Variants in AGAP3 observed in about 807,000 individuals in gnomAD.
The protein encoded by AGAP3 is arf-GAP with GTPase, ANK repeat and PH domain-containing protein 3.
A neutral mutation model predicts 96.9 loss-of-function variants in AGAP3; 24 were observed. The ratio of observed to expected loss-of-function variants is 0.25; its 90% CI spans 0.18 to 0.35. The LOEUF (loss-of-function observed/expected upper bound fraction) is 0.35, where lower values mean the gene tolerates loss of function less well. AGAP3 is among the 10% of genes least tolerant of loss of function. The probability of loss-of-function intolerance (pLI) is 1.00; values close to 1 mark genes in which losing one functional copy is unlikely to be tolerated. For synonymous variants in AGAP3, 563 were observed against 536.1 expected, an observed-to-expected ratio of 1.05 and a Z score of -0.69; for missense variants, 876 against 1,254.2, an observed-to-expected ratio of 0.70 and a Z score of 4.55.
rs1253850697 is a variant in AGAP3 at position 151,127,305 on chromosome 7, C to T, written c.1222-1275C>T. Among the ~76,000 whole-genome samples the T allele has an allele frequency of 2.6e-5, 4 of 152,310 alleles. No homozygotes were observed. The East Asian group carries it at 5.8e-4, about 22-fold the overall frequency. ...TTGTTGGCTGTCTTCTGGCGGGGCC[C>T]TCCATTCCTAAAGGAGATGCCATCG... On this transcript the variant is annotated intron_variant, in intron 9 of 17. Coordinates refer to ENST00000397238, the MANE Select transcript of AGAP3 (RefSeq NM_031946.7).
At chr7:151,093,203 G>A (rs1054712787) in intron 1 of AGAP3, among the ~76,000 whole-genome samples, 5 of 152,288 alleles carry the variant, frequency 3.3e-5, no homozygotes, top group East Asian at 1.9e-4. Flanking sequence ...GTGCAGTGGT[G>A]CAGTCCTAGC....
chr7:151,110,572 T>G (rs1799238255), intron 1 of AGAP3, among the ~76,000 whole-genome samples: 3 of 152,122 alleles, frequency 2.0e-5, no homozygotes. Flanking sequence ...TTGCAGGGCT[T>G]TGCTGAGAGG....
At chr7:151,123,608 C>T in intron 8 of AGAP3, 186 bp from the exon 9 acceptor site, 4 of 1,442,882 alleles carry the variant, frequency 2.8e-6, no homozygotes, top group Admixed American at 2.5e-5. Flanking sequence ...CTGTATGGTG[C>T]CGTGTGTAAG....
At chr7:151,092,450 T>C (rs777797373) in intron 1 of AGAP3, among the ~76,000 whole-genome samples, 1 of 152,214 alleles carries the variant, frequency 6.6e-6, no homozygotes, top group African/African-American at 2.4e-5. Context: ...CTTAAACCAT[T>C]GCAGGCCAAG....
At chr7:151,115,538 G>T in intron 1 of AGAP3, 1 of 1,085,870 alleles carries the variant, frequency 9.2e-7, no homozygotes, top group South Asian at 4.3e-5. Context: ...CCGGCCTCTG[G>T]AGGCTGCTCA....
At position 151,130,158 on chromosome 7, in the gene AGAP3, C is replaced by T. The variant is rs563193209; in HGVS notation, c.1326+1474C>T. 2.0e-5 allele frequency among the ~76,000 whole-genome samples: 3 copies of T among 152,334 alleles called. No homozygotes were observed. The East Asian group carries it at 5.8e-4, about 29-fold the overall frequency. On this transcript the variant is annotated intron_variant, in intron 10 of 17. Transcript: ENST00000397238. ...TGTGGAGCTGCCCTTCCCCTTCCCC[C>T]TTTGCCCAGTTCTTACCTGCTCCTT...
At chr7:151,127,632 G>A (rs1013247975) in intron 9 of AGAP3, among the ~76,000 whole-genome samples, 1 of 152,126 alleles carries the variant, frequency 6.6e-6, no homozygotes, top group African/African-American at 2.4e-5. Context: ...GGCGCTCCCT[G>A]GTCCTGAATG....
intron 10 of AGAP3, among the ~76,000 whole-genome samples, chr7:151,132,107 C>T (rs763578645): frequency 5.3e-5 from 8 of 152,184 alleles, no homozygotes; most frequent in Non-Finnish European, 1.2e-4. Context: ...GACAGAGGGC[C>T]GGCGGGGCCA....
intron 1 of AGAP3, chr7:151,115,575 G>C: frequency 1.7e-6 from 2 of 1,147,076 alleles, no homozygotes; most frequent in Non-Finnish European, 1.1e-6. Flanking sequence ...GAGGGAGCCC[G>C]CGCCCGCCGC....
chr7:151,134,769 C>T (rs1393627955), intron 11 of AGAP3, among the ~76,000 whole-genome samples: 1 of 152,180 alleles, frequency 6.6e-6, no homozygotes, highest in African/African-American at 2.4e-5. Context: ...CCTAGACGAG[C>T]AGTTGATCTG....
chr7:151,124,663 C>T (rs1028113387), intron 9 of AGAP3, among the ~76,000 whole-genome samples: 1 of 152,212 alleles, frequency 6.6e-6, no homozygotes, highest in Non-Finnish European at 1.5e-5. Context: ...GCCAGAGCCC[C>T]TGAGCCTGGC....
intron 11 of AGAP3, chr7:151,137,627 C>T (rs1800653603): frequency 6.5e-6 from 1 of 152,732 alleles, no homozygotes; most frequent in South Asian, 2.1e-4. Context: ...TGCCATTCTT[C>T]CCTGATGGGA....
In AGAP3 at chr7:151,142,504, C is replaced by T. The variant is rs1367374760; in HGVS notation, c.2143C>T (p.Arg715Cys). Residue 715 changes from arginine (R) to cysteine (C), a missense_variant, in exon 16 of 18, where the codon CGC becomes TGC. By Grantham distance (180) the Arg-to-Cys change is radical. Transcript: ENST00000397238. The surrounding 1 kb of genome is among the most constrained non-coding windows in gnomAD (Gnocchi z 7.5). ...CCTGGGGGCTCACCTGTCCCGGGTGCGCTCCCTTGACCTCGATGACTGGCC... is the reference window on the plus strand; with the variant it reads ...CCTGGGGGCTCACCTGTCCCGGGTGTGCTCCCTTGACCTCGATGACTGGCC... ...RHLGAHLSRV[R>C]SLDLDDWPPE... The T allele has an allele frequency of 1.9e-6, 3 of 1,613,780 alleles. No homozygotes were observed. Among genetic ancestry groups the T allele is most frequent in the East Asian group, 2.2e-5 (1 of 44,862 alleles).
At position 151,123,852 on chromosome 7, in the gene AGAP3, G is replaced by A; in HGVS notation, c.1187G>A (p.Ser396Asn). 1.2e-6 allele frequency: 2 copies of A among 1,611,596 alleles called. No individual in the cohort carries two copies. Among genetic ancestry groups the A allele is most frequent in the South Asian group, 1.1e-5 (1 of 91,084 alleles). The change falls in exon 9 of 18, where the codon AGC (serine) becomes AAC (asparagine). Residue 396 changes from serine to asparagine, a missense_variant. Ser to Asn is a conservative substitution (Grantham distance 46, BLOSUM62 1). Coordinates refer to ENST00000397238, the MANE Select transcript of AGAP3 (RefSeq NM_031946.7). ...AAGGCTGCCGAGTGCAAGGTGGACA[G>A]CATCGGGAGCGGCCGCGCCATCCCC... ...EKKAAECKVD[S>N]IGSGRAIPIK...
chr7:151,104,396 C>T (rs897932668), intron 1 of AGAP3, among the ~76,000 whole-genome samples: 1 of 152,196 alleles, frequency 6.6e-6, no homozygotes, highest in African/African-American at 2.4e-5. Flanking sequence ...GTGCCGGATA[C>T]ATGCTTTGCG....
At position 151,131,730 on chromosome 7, in the gene AGAP3, G is replaced by T. The variant is rs201136172; in HGVS notation, c.1327-2670G>T. On this transcript the variant is annotated intron_variant, in intron 10 of 17. Coordinates refer to ENST00000397238, the MANE Select transcript of AGAP3 (RefSeq NM_031946.7). The stretch of plus-strand genomic sequence containing the variant: ...GAAGTTGGGCCGTCCTTTCCCCCGA[G>T]GCCAGTTTCTGGCACCTTAGCTCTG... Among the ~76,000 whole-genome samples, 7 of 152,314 alleles carry T rather than the reference G, an allele frequency of 4.6e-5. No individual in the cohort carries two copies. In the East Asian group the frequency reaches 1.4e-3, roughly 29 times the overall value.
chr7:151,101,358 C>T (rs1176443436), intron 1 of AGAP3, among the ~76,000 whole-genome samples: 1 of 152,214 alleles, frequency 6.6e-6, no homozygotes, highest in Non-Finnish European at 1.5e-5. Context: ...GGATGGTCTC[C>T]TTCTGAGGCG....
At chr7:151,102,153 G>A (rs764080490) in intron 1 of AGAP3, among the ~76,000 whole-genome samples, 1 of 152,192 alleles carries the variant, frequency 6.6e-6, no homozygotes, top group Non-Finnish European at 1.5e-5. Flanking sequence ...AAAGCATCTC[G>A]ACTCAGGAGC....
chr7:151,142,925 G>T lies in AGAP3; in HGVS notation c.2273+291G>T, dbSNP rs1055187167. ...CAGAGCGCCCACTCCGGAGCTCTGA[G>T]ATGGGGAGAATGGGTGAGAGATAGG... On this transcript the variant is annotated intron_variant, in intron 16 of 17. Transcript: ENST00000397238. This position sits in a 1 kb window ranked among gnomAD's most constrained non-coding sequence, Gnocchi z 7.5. Among the ~76,000 whole-genome samples the T allele has an allele frequency of 2.0e-5, 3 of 152,242 alleles. No individual in the cohort carries two copies. Among genetic ancestry groups the T allele is most frequent in the Non-Finnish European group, 4.4e-5 (3 of 68,044 alleles).
Sources: allele counts gnomAD v4.1 joint callset (sites outside exome capture counted in the v4.1 genomes callset), GRCh38; gene constraint gnomAD v4.1.1; non-coding constraint Gnocchi (gnomAD v3.1); transcripts MANE v1.5; gene names NCBI Gene and HGNC (gene_info 2026-07-23, HGNC 2026-07-21).